Variants in GABRA4 observed in about 807,000 individuals in gnomAD.
The protein encoded by GABRA4 is gamma-aminobutyric acid receptor subunit alpha-4.
GABRA4 carries 12 observed loss-of-function variants against 49.7 expected under a neutral mutation model. The ratio of observed to expected loss-of-function variants is 0.24; its 90% confidence interval spans 0.15 to 0.39. The LOEUF (loss-of-function observed/expected upper bound fraction) is 0.39. Ranked by LOEUF, GABRA4 falls within the 10% of genes least tolerant of loss-of-function variation. The pLI is 1.00. For missense variants in GABRA4, 506 were observed against 686.0 expected (o/e 0.74, Z 2.93); for synonymous variants, 288 against 240.2 (o/e 1.20, Z -1.84).
intron 8 of GABRA4, among the ~76,000 whole-genome samples, chr4:46,943,323 G>A (rs1249292486): frequency 6.6e-6 from 1 of 151,950 alleles, no homozygotes; most frequent in African/African-American, 2.4e-5. Flanking sequence ...TTTCCTTTCA[G>A]TTTTTCTCAG....
At chr4:46,944,770 C>A (rs539146231) in intron 8 of GABRA4, among the ~76,000 whole-genome samples, 1 of 152,196 alleles carries the variant, frequency 6.6e-6, no homozygotes, top group Admixed American at 6.6e-5. Flanking sequence ...CATATAAACT[C>A]AAATCAGGAC....
intron 8 of GABRA4, among the ~76,000 whole-genome samples, chr4:46,962,741 T>C (rs1375371974): frequency 6.6e-6 from 1 of 151,822 alleles, no homozygotes; most frequent in Non-Finnish European, 1.5e-5. Context: ...AACAACATGG[T>C]ACTGGCATAA....
chr4:46,929,759 T>G (rs367783004), intron 8 of GABRA4, among the ~76,000 whole-genome samples: 28 of 152,236 alleles, frequency 1.8e-4, no homozygotes, highest in East Asian at 1.2e-3. Flanking sequence ...ATGCTTATTC[T>G]TAGCTATAGT....
At position 46,977,517 on chromosome 4, in the gene GABRA4, G is replaced by T. The variant is rs755408998; in HGVS notation, c.387C>A (p.Thr129=). The change falls in exon 4 of 9, where the codon ACC becomes ACA. Residue 129 remains threonine, a synonymous_variant. Transcript: ENST00000264318. ...LNNMMVTKVW[T]PDTFFRNGKK... is the part of the protein sequence containing the mutation. Reference sequence around the variant, plus strand: ...TTCCATTCCTGAAGAAAGTATCAGGGGTCCACACTTTCGTTACCATCATAT... The same window carrying T: ...TTCCATTCCTGAAGAAAGTATCAGGTGTCCACACTTTCGTTACCATCATAT... 6.2e-7 allele frequency: 1 copy of T among 1,610,266 alleles called. No homozygotes were observed. The highest frequency in any genetic ancestry group is 1.7e-5 in the Admixed American group (1 of 59,916).
chr4:46,964,173 C>G (rs1204092663), intron 8 of GABRA4, among the ~76,000 whole-genome samples: 4 of 151,734 alleles, frequency 2.6e-5, no homozygotes, highest in Admixed American at 2.6e-4. Context: ...AAAGATAAAC[C>G]TTGCATGTTC....
At chr4:46,981,234 G>A (rs1437714795) in intron 2 of GABRA4, among the ~76,000 whole-genome samples, 1 of 152,040 alleles carries the variant, frequency 6.6e-6, no homozygotes, top group African/African-American at 2.4e-5. Flanking sequence ...TATTTCAGGG[G>A]AGTGAGGAGT....
rs558578135 is a variant in GABRA4, at chr4:46,988,324, C to A, written c.205+4504G>T. On this transcript the variant is annotated intron_variant, in intron 2 of 8. Transcript: ENST00000264318. ...AAGTCTGTGAGGGCTCGTATCAGAT[C>A]AGAATGATATCTTCACAACCTTACA... 5.6e-4 allele frequency among the ~76,000 whole-genome samples: 85 copies of A among 152,200 alleles called. No homozygotes were observed. In the South Asian group the frequency reaches 8.3e-3, roughly 15 times the overall value.
In GABRA4 at chr4:46,927,253, G is replaced by C. The variant is rs929202270; in HGVS notation, c.*972C>G. The C allele has an allele frequency of 2.6e-5, 4 of 152,376 alleles. No homozygotes were observed. The highest frequency in any genetic ancestry group is 5.9e-5 in the Non-Finnish European group (4 of 67,944). The allele number at this position is 152,376 out of a possible 1,614,324, so 9.4% of individuals were successfully genotyped here. A position where few individuals can be genotyped will look rare whatever the true frequency, so the allele number is the denominator to read the frequency against. ...TCATCTATTTTGAAAACCAATTGCT[G>C]AAGTTGTACTGACATCAAAGTGGTT... is the stretch of plus-strand genomic sequence containing the variant. On this transcript the variant is annotated 3_prime_UTR_variant, in exon 9 of 9. Transcript: ENST00000264318.
At chr4:46,932,810 G>T (rs1421841554) in intron 8 of GABRA4, among the ~76,000 whole-genome samples, 2 of 152,018 alleles carry the variant, frequency 1.3e-5, no homozygotes, top group Non-Finnish European at 2.9e-5. Flanking sequence ...TCCTCAAAAA[G>T]ATTTTGAATC....
At chr4:46,987,771 C>T (rs1312094221) in intron 2 of GABRA4, among the ~76,000 whole-genome samples, 1 of 152,092 alleles carries the variant, frequency 6.6e-6, no homozygotes, top group Admixed American at 6.6e-5. Flanking sequence ...GGTCTCCCTG[C>T]TTCCAAATTG....
intron 8 of GABRA4, among the ~76,000 whole-genome samples, chr4:46,939,121 T>C (rs889768129): frequency 1.3e-5 from 2 of 151,984 alleles, no homozygotes; most frequent in African/African-American, 4.8e-5. Context: ...GCTGTTGATA[T>C]TAGAAACAAT....
rs1721282521 is a variant in GABRA4, at chr4:46,927,878, C to T, written c.*347G>A. The T allele has an allele frequency of 5.4e-6, 1 of 183,846 alleles. No homozygotes were observed. The highest frequency in any genetic ancestry group is 2.4e-5 in the African/African-American group (1 of 41,742). The allele number at this position is 183,846 out of a possible 1,614,324, so 11.4% of individuals were successfully genotyped here. On this transcript the variant is annotated 3_prime_UTR_variant, in exon 9 of 9. Coordinates refer to ENST00000264318, the MANE Select transcript of GABRA4 (RefSeq NM_000809.4). ...AAATTTAGGGTGGCAGGTTGATACT[C>T]ATAGGGCAGATTTTTAAAATGTCAT...
intron 8 of GABRA4, among the ~76,000 whole-genome samples, chr4:46,947,399 T>C (rs1014126703): frequency 1.3e-5 from 2 of 152,034 alleles, no homozygotes; most frequent in Non-Finnish European, 2.9e-5. Context: ...GAATTCTGTC[T>C]GCCTGCGTTC....
At chr4:46,956,549 G>A (rs1018105266) in intron 8 of GABRA4, among the ~76,000 whole-genome samples, 5 of 151,792 alleles carry the variant, frequency 3.3e-5, no homozygotes, top group African/African-American at 4.8e-5. Flanking sequence ...GAGCCTCTTT[G>A]TTTTGCTTTT....
intron 2 of GABRA4, among the ~76,000 whole-genome samples, chr4:46,987,170 C>A (rs1257733638): frequency 1.3e-5 from 2 of 152,126 alleles, no homozygotes; most frequent in African/African-American, 4.8e-5. Context: ...GTCCTCTTAC[C>A]ACACTGATCC....
At chr4:46,935,603 A>G (rs1877397) in intron 8 of GABRA4, among the ~76,000 whole-genome samples, 20,848 of 150,856 alleles carry the variant, frequency 0.14, 1,560 homozygotes, top group South Asian at 0.26. Context: ...TAGTCTATGG[A>G]GTGGGAGTTG....
chr4:46,942,294 A>G lies in GABRA4; in HGVS notation c.1135-13539T>C, dbSNP rs1721830411. Reference sequence around the variant, plus strand: ...CTACCAGTCTGGGGAAAAATAGTCTACAATTATGGTTTCCACTTCTTCGTC... The same window carrying G: ...CTACCAGTCTGGGGAAAAATAGTCTGCAATTATGGTTTCCACTTCTTCGTC... On this transcript the variant is annotated intron_variant, in intron 8 of 8. Transcript: ENST00000264318. 2.0e-5 allele frequency among the ~76,000 whole-genome samples: 3 copies of G among 152,154 alleles called. No homozygotes were observed. In the South Asian group the frequency reaches 6.2e-4, roughly 32 times the overall value.
intron 8 of GABRA4, among the ~76,000 whole-genome samples, chr4:46,948,747 C>A (rs556122340): frequency 6.6e-6 from 1 of 151,896 alleles, no homozygotes; most frequent in Non-Finnish European, 1.5e-5. Flanking sequence ...TATGATGAAA[C>A]GTTAAGGTAT....
chr4:46,966,231 A>C (rs1221820030), intron 7 of GABRA4, among the ~76,000 whole-genome samples: 2 of 151,728 alleles, frequency 1.3e-5, no homozygotes, highest in African/African-American at 2.4e-5. Flanking sequence ...ATTTAAACTG[A>C]TTCTATATAA....
Sources: gnomAD v4.1 joint callset for allele counts (sites outside exome capture counted in the v4.1 genomes callset) on GRCh38, gnomAD v4.1.1 for gene constraint, MANE v1.5 for transcripts, NCBI Gene and HGNC (gene_info 2026-07-23, HGNC 2026-07-21) for gene names.